The following DENND1B variants were observed in gnomAD, a reference collection of about 807,000 sequenced individuals.
DENND1B encodes the protein DENN domain containing 1B.
DENND1B carries 59 observed loss-of-function variants against 90.1 expected under a neutral mutation model. The observed-to-expected ratio is 0.65, with a 90% CI of 0.53 to 0.81. The LOEUF is 0.81. Ranked by LOEUF, DENND1B falls within the 40% of genes least tolerant of loss-of-function variation. The pLI is 0.00. For synonymous variants in DENND1B, 337 were observed against 324.6 expected (o/e 1.04, Z -0.41); for missense variants, 862 against 912.6 (o/e 0.94, Z 0.71).
At chr1:197,574,409 G>C (rs570048657) in intron 15 of DENND1B, among the ~76,000 whole-genome samples, 4 of 152,238 alleles carry the variant, frequency 2.6e-5, no homozygotes, top group Non-Finnish European at 4.4e-5. Flanking sequence ...TCTTCAAGGA[G>C]AACTACAAAC....
At chr1:197,650,087 C>T (rs1164705300) in intron 7 of DENND1B, among the ~76,000 whole-genome samples, 3 of 151,750 alleles carry the variant, frequency 2.0e-5, no homozygotes, top group Non-Finnish European at 4.4e-5. Context: ...AAATGGCCAA[C>T]AAACATGAAA....
At chr1:197,774,062 C>T (rs1335925970) in intron 1 of DENND1B, among the ~76,000 whole-genome samples, 1 of 152,122 alleles carries the variant, frequency 6.6e-6, no homozygotes, top group African/African-American at 2.4e-5. Context: ...TTAGCCTTTC[C>T]GCTATTAACT....
chr1:197,715,353 C>T (rs1181297075), intron 2 of DENND1B, among the ~76,000 whole-genome samples: 1 of 151,880 alleles, frequency 6.6e-6, no homozygotes, highest in African/African-American at 2.4e-5. Flanking sequence ...TAGCAACTCA[C>T]TTTTTATTGA....
chr1:197,630,706 C>T (rs1356418163), intron 10 of DENND1B, among the ~76,000 whole-genome samples: 12 of 151,980 alleles, frequency 7.9e-5, no homozygotes, highest in Admixed American at 3.3e-4. Context: ...TTCTTGCTTG[C>T]TTCCTTCAAG....
chr1:197,692,619 A>G (rs1658020020), intron 3 of DENND1B, among the ~76,000 whole-genome samples: 1 of 151,846 alleles, frequency 6.6e-6, no homozygotes, highest in Non-Finnish European at 1.5e-5. Flanking sequence ...TCCACAGACA[A>G]TCATGTAAAA....
intron 15 of DENND1B, among the ~76,000 whole-genome samples, chr1:197,564,775 A>C (rs1672483400): frequency 6.6e-6 from 1 of 151,938 alleles, no homozygotes; most frequent in Non-Finnish European, 1.5e-5. Context: ...TTAGTTTTGA[A>C]GGTGAGACTC....
At chr1:197,627,126 T>C (rs2125886248) in intron 10 of DENND1B, among the ~76,000 whole-genome samples, 1 of 152,266 alleles carries the variant, frequency 6.6e-6, no homozygotes, top group Middle Eastern at 3.4e-3. Context: ...CCATTCCTTC[T>C]GAAACTATTC....
intron 6 of DENND1B, among the ~76,000 whole-genome samples, chr1:197,656,696 G>C (rs998867623): frequency 2.6e-5 from 4 of 151,904 alleles, no homozygotes; most frequent in Non-Finnish European, 4.4e-5. Context: ...CCAGCTAATT[G>C]GGAGACTGAG....
chr1:197,553,456 C>T lies in DENND1B; in HGVS notation c.1150-344G>A, dbSNP rs575999515. 9.2e-5 allele frequency among the ~76,000 whole-genome samples: 14 copies of T among 152,210 alleles called. 1 individual carries two copies. The South Asian group carries it at 2.5e-3, about 27-fold the overall frequency. The stretch of plus-strand genomic sequence containing the variant: ...CACAATCTCTACAGAGGAGTTTGTA[C>T]AAAGGTACTGTTGCCTTGCCAAGCC... On this transcript the variant is annotated intron_variant, in intron 15 of 22. Coordinates refer to ENST00000620048, the MANE Select transcript of DENND1B (RefSeq NM_001195215.2).
At chr1:197,644,709 G>A (rs2125922076) in intron 9 of DENND1B, among the ~76,000 whole-genome samples, 1 of 152,256 alleles carries the variant, frequency 6.6e-6, no homozygotes, top group East Asian at 1.9e-4. Flanking sequence ...GGATCCATCT[G>A]TACTGAAAAC....
intron 2 of DENND1B, among the ~76,000 whole-genome samples, chr1:197,737,619 G>A (rs1055172904): frequency 1.3e-5 from 2 of 151,966 alleles, no homozygotes; most frequent in African/African-American, 2.4e-5. Flanking sequence ...TAATCATTAC[G>A]GTGAGAATGC....
intron 2 of DENND1B, among the ~76,000 whole-genome samples, chr1:197,760,523 C>T (rs1214298777): frequency 6.6e-6 from 1 of 151,840 alleles, no homozygotes; most frequent in Non-Finnish European, 1.5e-5. Context: ...TACCTGTAAT[C>T]CCAGCTACTC....
rs1351672324 is a variant in DENND1B at position 197,505,512 on chromosome 1, GAAA to G, written c.*4945_*4947del. The G allele has an allele frequency of 6.6e-6, 1 of 151,158 alleles. No individual in the cohort carries two copies. The highest frequency in any genetic ancestry group is 1.5e-5 in the Non-Finnish European group (1 of 67,624). The allele number at this position is 151,158 out of a possible 1,614,324, so 9.4% of individuals were successfully genotyped here. ...ACTTCATTCAACTAAAATGTGGCTT[GAAA>G]AAAACATAGCATTCTGGATATAAAG... On this transcript the variant is annotated 3_prime_UTR_variant, in exon 23 of 23. Coordinates refer to ENST00000620048, the MANE Select transcript of DENND1B (RefSeq NM_001195215.2).
At chr1:197,610,062 A>T (rs1372855395) in intron 12 of DENND1B, among the ~76,000 whole-genome samples, 1 of 150,832 alleles carries the variant, frequency 6.6e-6, no homozygotes, top group East Asian at 1.9e-4. Flanking sequence ...GCTGAATGAT[A>T]TCCAATTGTT....
At chr1:197,567,967 A>G (rs969384058) in intron 15 of DENND1B, among the ~76,000 whole-genome samples, 6 of 151,602 alleles carry the variant, frequency 4.0e-5, no homozygotes, top group Non-Finnish European at 7.4e-5. Flanking sequence ...GGAAATAGAA[A>G]TAAAAGGCAT....
intron 2 of DENND1B, among the ~76,000 whole-genome samples, chr1:197,716,947 T>G (rs1194043214): frequency 6.6e-6 from 1 of 151,968 alleles, no homozygotes; most frequent in African/African-American, 2.4e-5. Context: ...ACTACCATTT[T>G]TTTTCTGTAT....
chr1:197,648,468 A>G (rs1201059324), intron 7 of DENND1B, among the ~76,000 whole-genome samples: 1 of 152,128 alleles, frequency 6.6e-6, no homozygotes, highest in Non-Finnish European at 1.5e-5. Context: ...GTATTTATTT[A>G]CCCCTGAGCA....
intron 17 of DENND1B, 100 bp downstream of exon 17, chr1:197,546,624 CATTTCAAAT>C: frequency 3.1e-6 from 3 of 959,938 alleles, no homozygotes; most frequent in Non-Finnish European, 4.5e-6. Context: ...AATATACAAA[CATTTCAAAT>C]ATTTCAAATA....
At chr1:197,730,390 T>C (rs935705406) in intron 2 of DENND1B, among the ~76,000 whole-genome samples, 3 of 152,072 alleles carry the variant, frequency 2.0e-5, no homozygotes, top group African/African-American at 4.8e-5. Flanking sequence ...GCTCCATCCA[T>C]GTGGAATGTG....
Sources: gnomAD v4.1 joint callset for allele counts (sites outside exome capture counted in the v4.1 genomes callset) on GRCh38, gnomAD v4.1.1 for gene constraint, MANE v1.5 for transcripts, NCBI Gene and HGNC (gene_info 2026-07-23, HGNC 2026-07-21) for gene names.